UNC5A: variants seen among roughly 807,000 people sequenced by gnomAD.
UNC5A encodes unc-5 netrin receptor A.
A neutral mutation model predicts 87.4 loss-of-function variants in UNC5A; 20 were observed. The observed-to-expected ratio is 0.23, with a 90% CI of 0.16 to 0.33. The LOEUF is 0.33. Ranked by LOEUF, UNC5A falls within the 10% of genes least tolerant of loss-of-function variation. The pLI is 1.00. For missense variants in UNC5A, 844 were observed against 1,133.4 expected, an observed-to-expected ratio of 0.74 and a Z score of 3.67; for synonymous variants, 438 against 482.3, an observed-to-expected ratio of 0.91 and a Z score of 1.20.
chr5:176,854,419 C>T (rs768034662), intron 1 of UNC5A, among the ~76,000 whole-genome samples: 3 of 152,190 alleles, frequency 2.0e-5, no homozygotes, highest in Non-Finnish European at 2.9e-5. Context: ...CATCTCAGGC[C>T]GCAGGGATGC....
Position 176,879,129 on chromosome 5 carries a change from G to T in UNC5A, c.2185-181G>T, listed in dbSNP as rs144974753. Among the ~76,000 whole-genome samples, 133 of 152,204 alleles carry T rather than the reference G, an allele frequency of 8.7e-4. 1 individual carries two copies. The East Asian group carries it at 0.025, about 28-fold the overall frequency. On this transcript the variant is annotated intron_variant, in intron 13 of 14. Coordinates refer to ENST00000329542, the MANE Select transcript of UNC5A (RefSeq NM_133369.3). ...TCTCTGGCTATGTGGCTTTGGGCAGGTCGCTGCACCTCCGAGCCCCAGTAA... is the reference window on the plus strand; with the variant it reads ...TCTCTGGCTATGTGGCTTTGGGCAGTTCGCTGCACCTCCGAGCCCCAGTAA...
Position 176,874,612 on chromosome 5 carries a change from G to C in UNC5A, c.1378+46G>C. ...CTCTGAGAGCTCCACTTCCCTCCTG[G>C]AGGAGGACGGGACAGCCGGACGTTC... is the stretch of plus-strand genomic sequence containing the variant. On this transcript the variant is annotated intron_variant, in intron 8 of 14. Coordinates refer to ENST00000329542, the MANE Select transcript of UNC5A (RefSeq NM_133369.3). The surrounding 1 kb of genome is among the most constrained non-coding windows in gnomAD (Gnocchi z 7.6). 6.7e-7 allele frequency: 1 copy of C among 1,490,900 alleles called. No individual in the cohort carries two copies. Among genetic ancestry groups the C allele is most frequent in the Non-Finnish European group, 8.9e-7 (1 of 1,118,010 alleles). 92.4% of individuals were successfully genotyped at this position (1,490,900 alleles called of 1,614,324 possible). A position where few individuals can be genotyped will look rare whatever the true frequency, so the allele number is the denominator to read the frequency against.
At chr5:176,845,862 C>T (rs996248185) in intron 1 of UNC5A, among the ~76,000 whole-genome samples, 4 of 152,178 alleles carry the variant, frequency 2.6e-5, no homozygotes, top group African/African-American at 9.7e-5. Context: ...TCAGAGGGAA[C>T]AGCATTCTGG....
intron 2 of UNC5A, chr5:176,864,712 G>A (rs1016981187): frequency 3.4e-5 from 13 of 379,572 alleles, no homozygotes; most frequent in African/African-American, 2.1e-4. Flanking sequence ...TCTCACCTGC[G>A]GTCTTCAGGT....
At chr5:176,877,114 G>C (rs1024916153) in intron 8 of UNC5A, 78 bp from the exon 9 acceptor site, 70 of 1,204,638 alleles carry the variant, frequency 5.8e-5, no homozygotes, top group Non-Finnish European at 7.5e-5. Context: ...TCACAGGAAG[G>C]CTCCTGGAGG....
chr5:176,870,138 G>C (rs1758074106), intron 5 of UNC5A, among the ~76,000 whole-genome samples: 1 of 152,176 alleles, frequency 6.6e-6, no homozygotes, highest in Admixed American at 6.5e-5. Context: ...CTGGTGTGGA[G>C]AGAGCCAAGC....
At chr5:176,834,473 T>C (rs2113611803) in intron 1 of UNC5A, among the ~76,000 whole-genome samples, 1 of 152,224 alleles carries the variant, frequency 6.6e-6, no homozygotes, top group South Asian at 2.1e-4. Context: ...CATTCTCCTG[T>C]GAGGACCCTA....
rs1250687693 is a variant in UNC5A, at chr5:176,880,508, A to C, written c.*622A>C. ...CAACCACACACATCTCATGCTGTAC[A>C]CCTGAGGCTGCTCACGTCTCACGCC... On this transcript the variant is annotated 3_prime_UTR_variant, in exon 15 of 15. Coordinates refer to ENST00000329542, the MANE Select transcript of UNC5A (RefSeq NM_133369.3). 9 of 154,156 alleles carry C rather than the reference A, an allele frequency of 5.8e-5. No individual in the cohort carries two copies. The highest frequency in any genetic ancestry group is 1.3e-4 in the Non-Finnish European group (9 of 69,222). 9.5% of individuals were successfully genotyped at this position (154,156 alleles called of 1,614,324 possible).
intron 9 of UNC5A, 119 bp from the exon 10 acceptor site, chr5:176,877,416 G>T: frequency 7.3e-7 from 1 of 1,363,604 alleles, no homozygotes; most frequent in Admixed American, 2.1e-5. Flanking sequence ...GCCCCACGTG[G>T]TCCTGCAGCC....
intron 1 of UNC5A, among the ~76,000 whole-genome samples, chr5:176,829,630 A>T (rs1756952147): frequency 6.6e-6 from 1 of 151,762 alleles, no homozygotes; most frequent in Admixed American, 6.6e-5. Flanking sequence ...AGGTGGATGG[A>T]TGGGTAGATA....
chr5:176,857,630 C>T (rs1330500123), intron 1 of UNC5A, among the ~76,000 whole-genome samples: 3 of 152,220 alleles, frequency 2.0e-5, no homozygotes, highest in African/African-American at 7.2e-5. Context: ...CCTTGCCGAG[C>T]AGGGGCACCA....
rs1428364782 is a variant in UNC5A, at chr5:176,848,181, G to GC, written c.71-14437dup. ...GCCTCATTTCCACGTTAGCACCACCGCCCCCCGCACCCAGATCCCTCCGCC... is the reference window on the plus strand; with the variant it reads ...GCCTCATTTCCACGTTAGCACCACCGCCCCCCCGCACCCAGATCCCTCCGCC... On this transcript the variant is annotated intron_variant, in intron 1 of 14. Transcript: ENST00000329542. This position sits in a 1 kb window ranked among gnomAD's most constrained non-coding sequence, Gnocchi z 5.8. Among the ~76,000 whole-genome samples, 2 of 151,568 alleles carry GC rather than the reference G, an allele frequency of 1.3e-5. No individual in the cohort carries two copies. The highest frequency in any genetic ancestry group is 3.9e-4 in the East Asian group (2 of 5,138).
At chr5:176,852,817 G>A (rs575190087) in intron 1 of UNC5A, among the ~76,000 whole-genome samples, 7 of 152,354 alleles carry the variant, frequency 4.6e-5, no homozygotes, top group Admixed American at 1.3e-4. Context: ...TTCACTCTGC[G>A]TTTGCGACAT....
chr5:176,833,639 C>T (rs1757076411), intron 1 of UNC5A, among the ~76,000 whole-genome samples: 1 of 152,226 alleles, frequency 6.6e-6, no homozygotes, highest in Non-Finnish European at 1.5e-5. Context: ...TCAAGCATAG[C>T]CCATGAGTCT....
At position 176,869,924 on chromosome 5, in the gene UNC5A, C is replaced by T. The variant is rs560070588; in HGVS notation, c.722-446C>T. The T allele has an allele frequency of 1.2e-5, 7 of 573,974 alleles. No individual in the cohort carries two copies. Among genetic ancestry groups the T allele is most frequent in the African/African-American group, 7.6e-5 (4 of 52,652 alleles). The allele number at this position is 573,974 out of a possible 1,614,324, so 35.6% of individuals were successfully genotyped here. ...GCCAGGCTCAGTCTGAGGCGGGGAT[C>T]GGGGTGCGGTGTATGGTTGGAGTCA... is the stretch of plus-strand genomic sequence containing the variant. On this transcript the variant is annotated intron_variant, in intron 5 of 14. Coordinates refer to ENST00000329542, the MANE Select transcript of UNC5A (RefSeq NM_133369.3). This position sits in a 1 kb window ranked among gnomAD's most constrained non-coding sequence, Gnocchi z 9.1.
intron 1 of UNC5A, among the ~76,000 whole-genome samples, chr5:176,828,589 T>A (rs1319467103): frequency 1.3e-5 from 2 of 152,236 alleles, no homozygotes; most frequent in Non-Finnish European, 2.9e-5. Flanking sequence ...AGGTTCCCCC[T>A]GGGCCTCCAA....
In UNC5A at chr5:176,879,795, C is replaced by T. The variant is rs1236442591; in HGVS notation, c.2438C>T (p.Pro813Leu). The change falls in exon 15 of 15, where the codon CCC becomes CTC. Residue 813 changes from proline (P) to leucine (L), a missense_variant. Coordinates refer to ENST00000329542, the MANE Select transcript of UNC5A (RefSeq NM_133369.3). ...ILNLWEARHF[P>L]NGNLSQLAAA... ...AACCTGTGGGAGGCGCGGCACTTCC[C>T]CAACGGCAACCTCAGCCAGCTGGCT... The T allele has an allele frequency of 6.2e-7, 1 of 1,613,260 alleles. No individual in the cohort carries two copies. Among genetic ancestry groups the T allele is most frequent in the Non-Finnish European group, 8.5e-7 (1 of 1,179,918 alleles).
At position 176,810,886 on chromosome 5, in the gene UNC5A, C is replaced by T; in HGVS notation, c.70+66C>T. 8.5e-7 allele frequency: 1 copy of T among 1,182,196 alleles called. No individual in the cohort carries two copies. The highest frequency in any genetic ancestry group is 4.5e-5 in the Admixed American group (1 of 22,162). 73.2% of individuals were successfully genotyped at this position (1,182,196 alleles called of 1,614,324 possible). On this transcript the variant is annotated intron_variant, in intron 1 of 14. Transcript: ENST00000329542. The surrounding 1 kb of genome is among the most constrained non-coding windows in gnomAD (Gnocchi z 7.3). Reference sequence around the variant, plus strand: ...ACCGTGCGCGCGAACGCTCGCTGCTCTGGGGGTCCCTGACCAGCGCTGCCA... The same window carrying T: ...ACCGTGCGCGCGAACGCTCGCTGCTTTGGGGGTCCCTGACCAGCGCTGCCA...
At chr5:176,833,896 G>A (rs969972759) in intron 1 of UNC5A, among the ~76,000 whole-genome samples, 2 of 151,908 alleles carry the variant, frequency 1.3e-5, no homozygotes, top group Non-Finnish European at 2.9e-5. Context: ...AGTAGAGACG[G>A]GGTTTCACCA....
Sources: allele counts gnomAD v4.1 joint callset (sites outside exome capture counted in the v4.1 genomes callset), GRCh38; gene constraint gnomAD v4.1.1; non-coding constraint Gnocchi (gnomAD v3.1); transcripts MANE v1.5; gene names NCBI Gene and HGNC (gene_info 2026-07-23, HGNC 2026-07-21).